The following TENM3 variants were observed in gnomAD, a reference collection of about 807,000 sequenced individuals.
TENM3 encodes teneurin-3.
Under a neutral mutation model 255.1 loss-of-function variants are expected in TENM3, and 63 were observed. That is an observed-to-expected ratio of 0.25 (90% CI 0.20 to 0.30). The LOEUF (loss-of-function observed/expected upper bound fraction) is 0.30, where lower values mean the gene tolerates loss of function less well. Among genes scored for constraint, TENM3 ranks in the 10% least tolerant of loss-of-function variants. TENM3 has a pLI of 1.00. For synonymous variants in TENM3, 1,306 were observed against 1,322.3 expected, an observed-to-expected ratio of 0.99 and a Z score of 0.27; for missense variants, 2,929 against 3,461.1, an observed-to-expected ratio of 0.85 and a Z score of 3.86.
intron 3 of TENM3, among the ~76,000 whole-genome samples, chr4:182,376,903 G>T (rs879844636): frequency 2.0e-5 from 3 of 152,162 alleles, no homozygotes; most frequent in Non-Finnish European, 4.4e-5. Context: ...GCTAGACACA[G>T]GCAGATTGAT....
At chr4:182,185,627 C>T (rs1334397902) in intron 1 of TENM3, among the ~76,000 whole-genome samples, 1 of 152,200 alleles carries the variant, frequency 6.6e-6, no homozygotes, top group Non-Finnish European at 1.5e-5. Flanking sequence ...TTTCTAACAG[C>T]CCTTCAAGCC....
intron 3 of TENM3, among the ~76,000 whole-genome samples, chr4:182,562,448 C>A (rs1014761684): frequency 2.0e-5 from 3 of 152,154 alleles, no homozygotes; most frequent in African/African-American, 7.2e-5. Context: ...GTTGTTCCAG[C>A]CGCTGTTGCC....
chr4:182,072,819 G>T, the TENM3 span, among the ~76,000 whole-genome samples: 1 of 152,132 alleles, frequency 6.6e-6, no homozygotes, highest in Non-Finnish European at 1.5e-5. Flanking sequence ...CTCTAAGATA[G>T]GTGCCGTGGA....
chr4:182,034,617 G>C, the TENM3 span, among the ~76,000 whole-genome samples: 1 of 152,140 alleles, frequency 6.6e-6, no homozygotes, highest in Non-Finnish European at 1.5e-5. Context: ...TGTCTGGAAA[G>C]GTTTTGTTTC....
chr4:181,979,282 T>C, the TENM3 span, among the ~76,000 whole-genome samples: 143,947 of 150,030 alleles, frequency 0.96, 69,336 homozygotes, highest in East Asian at 1. Context: ...ATATGGAAGC[T>C]GTCTGGTGGC....
chr4:181,752,288 G>A, the TENM3 span, among the ~76,000 whole-genome samples: 20 of 152,064 alleles, frequency 1.3e-4, no homozygotes, highest in South Asian at 1.0e-3. Context: ...GGTATCTTTC[G>A]CCTGTAATCC....
intron 3 of TENM3, among the ~76,000 whole-genome samples, chr4:182,551,468 T>G (rs1742007840): frequency 6.6e-6 from 1 of 152,042 alleles, no homozygotes; most frequent in Admixed American, 6.6e-5. Flanking sequence ...TTACGTGAAT[T>G]TGCATGAAGA....
At chr4:181,764,254 AG>A in the TENM3 span, among the ~76,000 whole-genome samples, 4 of 5,688 alleles carry the variant, frequency 7.0e-4, no homozygotes, top group East Asian at 0.045. Flanking sequence ...AAACAGGAGA[AG>A]AGAGAGATTT....
the TENM3 span, among the ~76,000 whole-genome samples, chr4:181,635,429 A>T: frequency 6.6e-6 from 1 of 152,246 alleles, no homozygotes; most frequent in Non-Finnish European, 1.5e-5. Context: ...AAAAGAGGAT[A>T]TCCCAATACA....
At chr4:182,593,749 TC>T (rs1192203734) in intron 3 of TENM3, among the ~76,000 whole-genome samples, 2 of 152,020 alleles carry the variant, frequency 1.3e-5, no homozygotes, top group Non-Finnish European at 2.9e-5. Context: ...ACCTTTTACT[TC>T]CTCCCACATG....
intron 1 of TENM3, among the ~76,000 whole-genome samples, chr4:182,278,460 A>T (rs1297689704): frequency 6.6e-6 from 1 of 152,158 alleles, no homozygotes; most frequent in African/African-American, 2.4e-5. Context: ...TCCTTGTAAA[A>T]TGGAAATAGT....
At chr4:182,028,862 C>T in the TENM3 span, among the ~76,000 whole-genome samples, 1 of 150,312 alleles carries the variant, frequency 6.7e-6, no homozygotes, top group Non-Finnish European at 1.5e-5. Flanking sequence ...TCTGACTTAA[C>T]ATGTGGTCTA....
the TENM3 span, among the ~76,000 whole-genome samples, chr4:182,074,615 T>C: frequency 1.3e-5 from 2 of 152,098 alleles, no homozygotes; most frequent in Admixed American, 6.5e-5. Flanking sequence ...GAAAGAAAGA[T>C]GGAAACTACA....
the TENM3 span, among the ~76,000 whole-genome samples, chr4:181,550,515 T>C: frequency 6.6e-6 from 1 of 152,180 alleles, no homozygotes; most frequent in East Asian, 1.9e-4. Context: ...GATCGAGTCT[T>C]TCTGAATGTT....
chr4:182,125,192 TGCTGGGATGGTGAA>T, the TENM3 span, among the ~76,000 whole-genome samples: 1 of 132,504 alleles, frequency 7.5e-6, no homozygotes, highest in Non-Finnish European at 1.6e-5. Flanking sequence ...TACTCGCCCC[TGCTGGGATGGTGAA>T]TCTTCCCATT....
At chr4:182,040,975 C>G in the TENM3 span, among the ~76,000 whole-genome samples, 1 of 152,170 alleles carries the variant, frequency 6.6e-6, no homozygotes, top group Non-Finnish European at 1.5e-5. Context: ...CATTGATTTA[C>G]TTTTGCTGTG....
At chr4:182,608,821 G>T (rs1748686896) in intron 4 of TENM3, among the ~76,000 whole-genome samples, 1 of 152,176 alleles carries the variant, frequency 6.6e-6, no homozygotes, top group African/African-American at 2.4e-5. Context: ...GAGGCCCCGG[G>T]TGCTCTGCGG....
At chr4:182,579,964 C>T (rs1371529689) in intron 3 of TENM3, among the ~76,000 whole-genome samples, 2 of 152,124 alleles carry the variant, frequency 1.3e-5, no homozygotes, top group African/African-American at 4.8e-5. Context: ...CAGAGTATGA[C>T]ATTTTGGTCC....
the TENM3 span, among the ~76,000 whole-genome samples, chr4:181,940,924 A>G: frequency 6.6e-6 from 1 of 152,226 alleles, no homozygotes; most frequent in Non-Finnish European, 1.5e-5. Flanking sequence ...AAGTGGTTAG[A>G]TTCTGGATAT....
Sources: gnomAD v4.1 joint callset for allele counts (sites outside exome capture counted in the v4.1 genomes callset) on GRCh38, gnomAD v4.1.1 for gene constraint, MANE v1.5 for transcripts, NCBI Gene and HGNC (gene_info 2026-07-23, HGNC 2026-07-21) for gene names.